RAD51: variants seen among roughly 807,000 people sequenced by gnomAD.
RAD51 encodes the protein DNA repair protein RAD51 homolog 1.
RAD51 carries 14 observed loss-of-function variants against 41.5 expected under a neutral mutation model. The ratio of observed to expected loss-of-function variants is 0.34; its 90% CI spans 0.22 to 0.53. RAD51 has a LOEUF of 0.53. RAD51 is among the 20% of genes least tolerant of loss of function. RAD51 has a pLI of 0.95. For missense variants in RAD51, 234 were observed against 422.0 expected, an observed-to-expected ratio of 0.55 and a Z score of 3.90; for synonymous variants, 136 against 148.6, an observed-to-expected ratio of 0.92 and a Z score of 0.62.
intron 5 of RAD51, 65 bp downstream of exon 5, chr15:40,709,181 C>T: frequency 2.9e-6 from 4 of 1,400,684 alleles, no homozygotes; most frequent in Non-Finnish European, 3.0e-6. Context: ...TATTTGCAAG[C>T]ATCTGTTAGG....
intron 6 of RAD51, among the ~76,000 whole-genome samples, chr15:40,723,299 G>C (rs1388027030): frequency 6.6e-6 from 1 of 152,072 alleles, no homozygotes; most frequent in Non-Finnish European, 1.5e-5. Context: ...TTCTTAAAAA[G>C]TTAAATATAA....
In RAD51 at chr15:40,713,465, A is replaced by C. The variant is rs1156450017; in HGVS notation, c.435+4349A>C. On this transcript the variant is annotated intron_variant, in intron 5 of 9. Coordinates refer to ENST00000267868, the MANE Select transcript of RAD51 (RefSeq NM_002875.5). ...GCTGTGTTGGCCAGGCTGGTCTTGA[A>C]CTCCTGACCTCAGGTGATCCACCCG... Among the ~76,000 whole-genome samples, 10 of 136,166 alleles carry C rather than the reference A, an allele frequency of 7.3e-5. No homozygotes were observed. The South Asian group carries it at 1.6e-3, about 22-fold the overall frequency. 89.3% of individuals were successfully genotyped at this position (136,166 alleles called of 152,430 possible).
chr15:40,710,465 G>GCA (rs1173049079), intron 5 of RAD51, among the ~76,000 whole-genome samples: 1 of 124,612 alleles, frequency 8.0e-6, no homozygotes, highest in Admixed American at 1.1e-4. Flanking sequence ...TCGCACCATT[G>GCA]CATTCCAGCC....
At chr15:40,729,250 GT>G (rs1184603543) in intron 7 of RAD51, among the ~76,000 whole-genome samples, 1 of 151,660 alleles carries the variant, frequency 6.6e-6, no homozygotes, top group African/African-American at 2.4e-5. Flanking sequence ...GCGGGCGCCT[GT>G]AGTCCCAGCT....
intron 7 of RAD51, 57 bp downstream of exon 7, chr15:40,728,881 G>A (rs1318055975): frequency 7.0e-7 from 1 of 1,424,240 alleles, no homozygotes; most frequent in South Asian, 1.1e-5. Flanking sequence ...CCTGAATCTT[G>A]TAATGGCTAT....
chr15:40,712,024 A>T (rs1195508963), intron 5 of RAD51, among the ~76,000 whole-genome samples: 1 of 150,248 alleles, frequency 6.7e-6, no homozygotes, highest in East Asian at 2.0e-4. Flanking sequence ...ATGAGCCAAG[A>T]TTGTACCACT....
chr15:40,728,455 GA>G lies in RAD51; in HGVS notation c.531-244del, dbSNP rs34910367. 0.3 allele frequency among the ~76,000 whole-genome samples: 42,734 copies of G among 144,396 alleles called. 6,621 individuals are homozygous for G. The highest frequency in any genetic ancestry group is 0.39 in the Middle Eastern group (110 of 284). The allele number at this position is 144,396 out of a possible 152,430, so 94.7% of individuals were successfully genotyped here. ...TGACAGAGCAAGACTCCGTCTCAAAGAAAAAAAAAAAAGAATGGATTTGATT... is the reference window on the plus strand; with the variant it reads ...TGACAGAGCAAGACTCCGTCTCAAAGAAAAAAAAAAAGAATGGATTTGATT... On this transcript the variant is annotated intron_variant, in intron 6 of 9. Coordinates refer to ENST00000267868, the MANE Select transcript of RAD51 (RefSeq NM_002875.5).
chr15:40,696,153 C>T (rs1203193144), intron 1 of RAD51, among the ~76,000 whole-genome samples: 1 of 152,136 alleles, frequency 6.6e-6, no homozygotes, highest in African/African-American at 2.4e-5. Context: ...GCTGGGATTA[C>T]AGCCGTGAGC....
At position 40,703,340 on chromosome 15, in the gene RAD51, T is replaced by C. The variant is rs542028548; in HGVS notation, c.225+2139T>C. 3.2e-3 allele frequency among the ~76,000 whole-genome samples: 483 copies of C among 152,312 alleles called. 4 individuals are homozygous for C. Among genetic ancestry groups the C allele is most frequent in the African/African-American group, 0.011 (466 of 41,570 alleles). ...ATCCGCCCATCTCAGTATCCCAAAG[T>C]GCTGGGATTACAGGCGTGAGCCACT... On this transcript the variant is annotated intron_variant, in intron 3 of 9. Coordinates refer to ENST00000267868, the MANE Select transcript of RAD51 (RefSeq NM_002875.5).
chr15:40,704,355 C>T (rs1301839719), intron 3 of RAD51, among the ~76,000 whole-genome samples: 1 of 146,650 alleles, frequency 6.8e-6, no homozygotes, highest in African/African-American at 2.5e-5. Flanking sequence ...TGAGCCACCG[C>T]GCCAGGCCTT....
intron 6 of RAD51, among the ~76,000 whole-genome samples, chr15:40,723,584 A>G (rs1192944216): frequency 6.6e-6 from 1 of 152,196 alleles, no homozygotes; most frequent in Non-Finnish European, 1.5e-5. Context: ...AGACCACACA[A>G]TGTATGATTC....
rs781014501 is a variant in RAD51, at chr15:40,709,154, C to G, written c.435+38C>G. On this transcript the variant is annotated intron_variant, in intron 5 of 9. Transcript: ENST00000267868. ...GGCTATAGCTAATCAAATAAGCAAG[C>G]ATTACTTCATTCCTGCTATTTGCAA... is the stretch of plus-strand genomic sequence containing the variant. 6.0e-6 allele frequency: 9 copies of G among 1,511,326 alleles called. No homozygotes were observed. In the East Asian group the frequency reaches 6.8e-5, roughly 11 times the overall value. The allele number at this position is 1,511,326 out of a possible 1,614,324, so 93.6% of individuals were successfully genotyped here. A position where few individuals can be genotyped will look rare whatever the true frequency, so the allele number is the denominator to read the frequency against.
At chr15:40,697,527 T>C (rs1894717111) in intron 1 of RAD51, among the ~76,000 whole-genome samples, 1 of 152,156 alleles carries the variant, frequency 6.6e-6, no homozygotes, top group Non-Finnish European at 1.5e-5. Context: ...TGTTACTTTG[T>C]TTTTGACAGA....
At chr15:40,710,501 C>CAAA (rs747933816) in intron 5 of RAD51, among the ~76,000 whole-genome samples, 1,067 of 48,320 alleles carry the variant, frequency 0.022, 66 homozygotes, top group African/African-American at 0.062. Flanking sequence ...GACTCTGTCT[C>CAAA]AAAAAAAAAA....
intron 9 of RAD51, among the ~76,000 whole-genome samples, chr15:40,730,520 C>CTTTTTTTTTTTTTTCTTTTCTTTTTT (rs1596028824): frequency 1.8e-5 from 2 of 113,110 alleles, no homozygotes; most frequent in Non-Finnish European, 3.4e-5. Flanking sequence ...AATTTTTTTT[C>CTTTTTTTTTTTTTTCTTTTCTTTTTT]TTTTTTTTTT....
At chr15:40,730,116 G>A in intron 9 of RAD51, 142 bp downstream of exon 9, 1 of 1,209,138 alleles carries the variant, frequency 8.3e-7, no homozygotes, top group Non-Finnish European at 1.2e-6. Context: ...TAATTAACAT[G>A]CTCTCGTTGG....
At position 40,701,217 on chromosome 15, in the gene RAD51, T is replaced by C; in HGVS notation, c.225+16T>C. On this transcript the variant is annotated intron_variant, in intron 3 of 9. Transcript: ENST00000267868. ...TAAAATTCTGGTAAGTACTGCTTAC[T>C]TAACCTAGGGAGGCATTAGTGGGAA... 1 of 1,613,600 alleles carries C rather than the reference T, an allele frequency of 6.2e-7. No homozygotes were observed. Among genetic ancestry groups the C allele is most frequent in the Non-Finnish European group, 8.5e-7 (1 of 1,179,530 alleles).
chr15:40,727,928 C>T (rs1468839336), intron 6 of RAD51, among the ~76,000 whole-genome samples: 3 of 146,556 alleles, frequency 2.0e-5, no homozygotes, highest in South Asian at 2.2e-4. Context: ...GGTATGATCT[C>T]GACTCACTGC....
chr15:40,710,941 A>T (rs1019131467), intron 5 of RAD51, among the ~76,000 whole-genome samples: 2 of 152,218 alleles, frequency 1.3e-5, no homozygotes, highest in Admixed American at 1.3e-4. Flanking sequence ...CCATTAGGAA[A>T]AAACCTTCCC....
Sources: allele counts gnomAD v4.1 joint callset (sites outside exome capture counted in the v4.1 genomes callset), GRCh38; gene constraint gnomAD v4.1.1; transcripts MANE v1.5; gene names NCBI Gene and HGNC (gene_info 2026-07-23, HGNC 2026-07-21).